The following WDFY4 variants were observed in gnomAD, a reference collection of about 807,000 sequenced individuals.
WDFY4 encodes WDFY family member 4.
Under a neutral mutation model 351.9 loss-of-function variants are expected in WDFY4, and 169 were observed. That is an observed-to-expected ratio of 0.48 (90% confidence interval 0.42 to 0.55). The LOEUF (loss-of-function observed/expected upper bound fraction) is 0.55. Ranked by LOEUF, WDFY4 falls within the 20% of genes least tolerant of loss-of-function variation. WDFY4 has a pLI of 0.00. For missense variants in WDFY4, 3,803 were observed against 3,935.6 expected, an observed-to-expected ratio of 0.97 and a Z score of 0.90; for synonymous variants, 1,622 against 1,574.6, an observed-to-expected ratio of 1.03 and a Z score of -0.71.
intron 47 of WDFY4, among the ~76,000 whole-genome samples, chr10:48,935,614 GCTGT>G (rs1395435605): frequency 6.6e-6 from 1 of 152,168 alleles, no homozygotes; most frequent in African/African-American, 2.4e-5. Context: ...TTTTGAGAGG[GCTGT>G]CTTTCATCTA....
intron 1 of WDFY4, among the ~76,000 whole-genome samples, chr10:48,707,985 C>G (rs996419901): frequency 2.6e-4 from 39 of 152,122 alleles, no homozygotes; most frequent in African/African-American, 8.2e-4. Flanking sequence ...CAGTGCCCAA[C>G]AGAAGCAAAA....
chr10:48,735,765 CAA>C, intron 10 of WDFY4, 113 bp from the exon 11 acceptor site: 1 of 1,134,202 alleles, frequency 8.8e-7, no homozygotes, highest in Non-Finnish European at 1.2e-6. Context: ...AAAAGAGAAA[CAA>C]AAAATAGCAA....
intron 12 of WDFY4, among the ~76,000 whole-genome samples, chr10:48,746,453 G>C (rs965740892): frequency 6.6e-6 from 1 of 150,922 alleles, no homozygotes; most frequent in African/African-American, 2.4e-5. Context: ...TACATTTTTA[G>C]GTGTTTTTCT....
intron 2 of WDFY4, among the ~76,000 whole-genome samples, chr10:48,711,515 A>C (rs917899063): frequency 1.3e-5 from 2 of 152,036 alleles, no homozygotes; most frequent in Non-Finnish European, 2.9e-5. Context: ...CTGAGCTGCT[A>C]GTTCTCGGTG....
rs1564538117 is a variant in WDFY4, at chr10:48,969,227, G to A, written c.8748G>A (p.Leu2916=). 3 of 1,551,426 alleles carry A rather than the reference G, an allele frequency of 1.9e-6. No individual in the cohort carries two copies. Among genetic ancestry groups the A allele is most frequent in the Non-Finnish European group, 2.6e-6 (3 of 1,146,920 alleles). The change falls in exon 56 of 62, where the codon TTG becomes TTA. Residue 2916 remains leucine (L), a synonymous_variant. Coordinates refer to ENST00000325239, the MANE Select transcript of WDFY4 (RefSeq NM_001394531.1). ...SWGFDDFSCC[L]GSYGSDKVLM... ...GCTTTGATGACTTCAGCTGCTGCTTGGGGAGCTACGGCTCCGACAAGGTGA... is the reference window on the plus strand; with the variant it reads ...GCTTTGATGACTTCAGCTGCTGCTTAGGGAGCTACGGCTCCGACAAGGTGA...
chr10:48,796,688 G>A lies in WDFY4; in HGVS notation c.4410+238G>A, dbSNP rs149996137. Among the ~76,000 whole-genome samples, 127 of 152,328 alleles carry A rather than the reference G, an allele frequency of 8.3e-4. 1 individual carries two copies. Among genetic ancestry groups the A allele is most frequent in the African/African-American group, 3.0e-3 (125 of 41,570 alleles). On this transcript the variant is annotated intron_variant, in intron 24 of 61. Transcript: ENST00000325239. ...CTGAGCCCCACTCTTTTTCTTGGGT[G>A]AAGTGGAGACCTTCATCTCCTTGCA... is the stretch of plus-strand genomic sequence containing the variant.
rs1050344246 is a variant in WDFY4 at position 48,720,058 on chromosome 10, G to C, written c.282G>C (p.Arg94Ser). Residue 94 changes from arginine (R) to serine (S), a missense_variant, in exon 3 of 62, where the codon AGG (arginine) becomes AGC (serine). This residue lies in a region of WDFY4 where 488 missense variants were observed against 456.8 expected (regional missense o/e 1.07). Transcript: ENST00000325239. ...VGIICFPSLQ[R>S]LAEDVSDQLA... ...TCATCTGCTTTCCCAGTCTCCAAAG[G>C]CTGGCTGAAGACGTGTCTGACCAGC... is the stretch of plus-strand genomic sequence containing the variant. 4.5e-6 allele frequency: 7 copies of C among 1,551,632 alleles called. No individual in the cohort carries two copies. The highest frequency in any genetic ancestry group is 1.4e-5 in the African/African-American group (1 of 73,028).
Position 48,788,685 on chromosome 10 carries a change from C to G in WDFY4, c.3954+10C>G. ...CCTGATCGCCAAAGAGGTACATCTT[C>G]TAACTTCGCTGCTAATCTCTGTTGG... On this transcript the variant is annotated intron_variant, in intron 21 of 61. Transcript: ENST00000325239. 1 of 1,551,142 alleles carries G rather than the reference C, an allele frequency of 6.4e-7. No individual in the cohort carries two copies. The highest frequency in any genetic ancestry group is 1.2e-5 in the South Asian group (1 of 84,032).
At chr10:48,894,355 A>T (rs116764729) in intron 44 of WDFY4, among the ~76,000 whole-genome samples, 2,517 of 152,296 alleles carry the variant, frequency 0.017, 74 homozygotes, top group African/African-American at 0.056. Context: ...GCTAGGGAGC[A>T]TTTCTGCCTC....
chr10:48,779,869 G>T, intron 18 of WDFY4, 72 bp from the exon 19 acceptor site: 1 of 1,521,230 alleles, frequency 6.6e-7, no homozygotes, highest in Admixed American at 2.0e-5. Context: ...GTCCGCCTAT[G>T]CCCTCCCCAT....
At chr10:48,870,966 C>T (rs2069751426) in intron 40 of WDFY4, among the ~76,000 whole-genome samples, 1 of 151,610 alleles carries the variant, frequency 6.6e-6, no homozygotes, top group Non-Finnish European at 1.5e-5. Flanking sequence ...TGGAGGCTCG[C>T]TCCTTCCCCC....
At chr10:48,691,314 G>A (rs778916866) in intron 1 of WDFY4, among the ~76,000 whole-genome samples, 2 of 152,160 alleles carry the variant, frequency 1.3e-5, no homozygotes, top group Non-Finnish European at 2.9e-5. Context: ...CTCCTCCCAA[G>A]GCGCAGGAGC....
rs749831917 is a variant in WDFY4, at chr10:48,943,484, A to C, written c.7749+35A>C. On this transcript the variant is annotated intron_variant, in intron 49 of 61. Coordinates refer to ENST00000325239, the MANE Select transcript of WDFY4 (RefSeq NM_001394531.1). ...TCACGTGGAAACCACAGCTGCCCTCAGGTGTTCGGACGTTGATAACAGAGA... is the reference window on the plus strand; with the variant it reads ...TCACGTGGAAACCACAGCTGCCCTCCGGTGTTCGGACGTTGATAACAGAGA... 8 of 1,544,872 alleles carry C rather than the reference A, an allele frequency of 5.2e-6. No individual in the cohort carries two copies. In the South Asian group the frequency reaches 8.4e-5, roughly 16 times the overall value.
chr10:48,862,980 C>T (rs1388496524), intron 39 of WDFY4, among the ~76,000 whole-genome samples: 1 of 152,146 alleles, frequency 6.6e-6, no homozygotes, highest in Admixed American at 6.6e-5. Flanking sequence ...GCTTCTTTCA[C>T]TTAGGATGTT....
At chr10:48,867,037 G>C (rs565677126) in intron 39 of WDFY4, among the ~76,000 whole-genome samples, 1 of 152,018 alleles carries the variant, frequency 6.6e-6, no homozygotes, top group East Asian at 1.9e-4. Context: ...AGGCATGGTG[G>C]TGGGCGCCTG....
intron 53 of WDFY4, among the ~76,000 whole-genome samples, chr10:48,961,576 G>A (rs974478067): frequency 1.3e-5 from 2 of 152,216 alleles, no homozygotes; most frequent in African/African-American, 4.8e-5. Context: ...GGGTTAAGGT[G>A]TGGCCATGGG....
At chr10:48,823,278 A>C in intron 35 of WDFY4, 2 of 1,295,640 alleles carry the variant, frequency 1.5e-6, no homozygotes, top group Middle Eastern at 2.1e-4. Context: ...CTAAAATTCA[A>C]GTTGTCCCAC....
rs1242727460 is a variant in WDFY4, at chr10:48,811,669, C to G, written c.5175C>G (p.Phe1725Leu). The change falls in exon 30 of 62, where the codon TTC (phenylalanine) becomes TTG (leucine). Residue 1725 changes from phenylalanine to leucine, a missense_variant. By Grantham distance (22) the Phe-to-Leu change is conservative (BLOSUM62 0). Transcript: ENST00000325239. ...TCTACCTCATCGTCTCCACCTTCTT[C>G]CTGCAGACACCACTCACAGAGCTGA... ...PEVYLIVSTF[F>L]LQTPLTELMD... 5.2e-6 allele frequency: 8 copies of G among 1,551,722 alleles called. No individual in the cohort carries two copies. The highest frequency in any genetic ancestry group is 3.9e-5 in the Admixed American group (2 of 50,992).
At chr10:48,798,815 T>C (rs144641878) in intron 24 of WDFY4, among the ~76,000 whole-genome samples, 22 of 152,246 alleles carry the variant, frequency 1.4e-4, no homozygotes, top group African/African-American at 5.1e-4. Context: ...TATTTGTAAA[T>C]ATAGGCATAA....
Sources: gnomAD v4.1 joint callset for allele counts (sites outside exome capture counted in the v4.1 genomes callset) on GRCh38, gnomAD v4.1.1 for gene constraint, gnomAD v4.1.1 regional missense constraint, MANE v1.5 for transcripts, NCBI Gene and HGNC (gene_info 2026-07-23, HGNC 2026-07-21) for gene names.